Variants in HAVCR2 observed in about 807,000 individuals in gnomAD.
HAVCR2 encodes the protein T cell immunoglobulin mucin 3.
A neutral mutation model predicts 24.7 loss-of-function variants in HAVCR2; 13 were observed. The observed-to-expected ratio is 0.53, with a 90% CI of 0.34 to 0.84. The LOEUF is 0.84. Among genes scored for constraint, HAVCR2 ranks in the 40% least tolerant of loss-of-function variants. The probability of loss-of-function intolerance (pLI) is 0.01; values close to 1 mark genes in which losing one functional copy is unlikely to be tolerated. For missense variants in HAVCR2, 343 were observed against 371.2 expected (o/e 0.92, Z 0.62); for synonymous variants, 154 against 143.4 (o/e 1.07, Z -0.53).
rs900889657 is a variant in HAVCR2 at position 157,086,237 on chromosome 5, A to T, written c.*865T>A. 6.6e-6 allele frequency: 1 copy of T among 152,248 alleles called. No homozygotes were observed. The highest frequency in any genetic ancestry group is 2.4e-5 in the African/African-American group (1 of 41,458). 9.4% of individuals were successfully genotyped at this position (152,248 alleles called of 1,614,324 possible). On this transcript the variant is annotated 3_prime_UTR_variant, in exon 7 of 7. Transcript: ENST00000307851. The stretch of plus-strand genomic sequence containing the variant: ...GCAGTCTTCATAAGGGAGACAAAAG[A>T]AGGGCTATGCACTGGCACTGACAGT...
intron 5 of HAVCR2, among the ~76,000 whole-genome samples, chr5:157,089,848 A>G (rs1388010132): frequency 6.6e-6 from 1 of 152,180 alleles, no homozygotes; most frequent in African/African-American, 2.4e-5. Context: ...GGCTAGGTCC[A>G]ATAAGACCTT....
At chr5:157,087,524 A>T (rs1295359366) in intron 6 of HAVCR2, among the ~76,000 whole-genome samples, 1 of 152,220 alleles carries the variant, frequency 6.6e-6, no homozygotes, top group African/African-American at 2.4e-5. Flanking sequence ...GCATTGTGAT[A>T]GCTAAGAGAA....
At chr5:157,097,524 T>C (rs760850590) in intron 4 of HAVCR2, among the ~76,000 whole-genome samples, 2 of 152,156 alleles carry the variant, frequency 1.3e-5, no homozygotes, top group Non-Finnish European at 2.9e-5. Flanking sequence ...CCTCCTAAAG[T>C]GCTGGGATTA....
intron 5 of HAVCR2, among the ~76,000 whole-genome samples, chr5:157,091,327 C>T (rs923098210): frequency 1.3e-5 from 2 of 152,058 alleles, no homozygotes; most frequent in Non-Finnish European, 2.9e-5. Flanking sequence ...TGCATGAAAT[C>T]CCAGCTACTC....
intron 5 of HAVCR2, among the ~76,000 whole-genome samples, chr5:157,093,205 A>C (rs1419450429): frequency 5.3e-5 from 8 of 151,866 alleles, no homozygotes; most frequent in Non-Finnish European, 1.0e-4. Context: ...CTTTTTCTGA[A>C]TAATCCATTT....
intron 3 of HAVCR2, among the ~76,000 whole-genome samples, chr5:157,101,845 G>T (rs1054410571): frequency 2.7e-5 from 4 of 150,874 alleles, no homozygotes; most frequent in African/African-American, 9.8e-5. Flanking sequence ...CACCAACTCG[G>T]CTCAGTGAAT....
rs781289507 is a variant in HAVCR2 at position 157,106,811 on chromosome 5, A to C, written c.210T>G (p.Thr70=). The C allele has an allele frequency of 1.2e-6, 2 of 1,614,182 alleles. No individual in the cohort carries two copies. Among genetic ancestry groups the C allele is most frequent in the South Asian group, 2.2e-5 (2 of 91,086 alleles). ...VFECGNVVLR[T]DERDVNYWTS... is the part of the protein sequence containing the mutation. ...TCCAATAATTCACATCCCTTTCATCAGTCCTGAGCACCACGTTGCCACATT... is the reference window on the plus strand; with the variant it reads ...TCCAATAATTCACATCCCTTTCATCCGTCCTGAGCACCACGTTGCCACATT... The change falls in exon 2 of 7, where the codon ACT becomes ACG. Residue 70 remains threonine, a synonymous_variant. Transcript: ENST00000307851.
intron 5 of HAVCR2, 125 bp downstream of exon 5, chr5:157,095,181 G>T (rs976944753): frequency 3.1e-6 from 3 of 981,910 alleles, no homozygotes; most frequent in Non-Finnish European, 4.5e-6. Flanking sequence ...GGATTTGGAT[G>T]GACAAAAGGG....
chr5:157,101,659 T>C (rs570245801), intron 3 of HAVCR2, among the ~76,000 whole-genome samples: 2 of 152,280 alleles, frequency 1.3e-5, no homozygotes, highest in South Asian at 4.1e-4. Context: ...ACTCTAGAGC[T>C]GAGGACTCAC....
At chr5:157,095,001 C>A (rs1379907782) in intron 5 of HAVCR2, among the ~76,000 whole-genome samples, 6 of 152,148 alleles carry the variant, frequency 3.9e-5, no homozygotes, top group African/African-American at 1.4e-4. Flanking sequence ...GATGTTGAAA[C>A]CTCGGGAAGG....
chr5:157,098,909 A>AAG lies in HAVCR2; in HGVS notation c.479-10_479-9dup, dbSNP rs70984443. On this transcript the variant is annotated splice_polypyrimidine_tract_variant and intron_variant, in intron 3 of 6. Transcript: ENST00000307851. The stretch of plus-strand genomic sequence containing the variant: ...CCAGTGTCTGTGTCTCTGCTATAAA[A>AAG]AGAGAGAGAGAGAGAGAGAGAGGAA... 5,377 of 1,557,180 alleles carry AAG rather than the reference A, an allele frequency of 3.5e-3. 4 individuals are homozygous for AAG. The highest frequency in any genetic ancestry group is 0.025 in the East Asian group (1,074 of 43,240).
Position 157,087,129 on chromosome 5 carries a change from AGGTTGTGAG to A in HAVCR2, c.870_878del (p.Ser291_Pro293del). ...ATGGCATTGCAAAGCGACAACCCAA[AGGTTGTGAG>A]GGTTGCTGCCTGCTGCTGACATAGC... On this transcript the variant is annotated inframe_deletion, in exon 7 of 7. Transcript: ENST00000307851. 6.2e-7 allele frequency: 1 copy of A among 1,613,574 alleles called. No homozygotes were observed. The highest frequency in any genetic ancestry group is 8.5e-7 in the Non-Finnish European group (1 of 1,179,874).
chr5:157,104,821 C>A (rs530258739), intron 2 of HAVCR2, 72 bp from the exon 3 acceptor site: 7 of 1,098,402 alleles, frequency 6.4e-6, no homozygotes, highest in Admixed American at 4.6e-5. Flanking sequence ...ATCAAAGGGG[C>A]AGCAAGAAAA....
chr5:157,101,218 T>C (rs1757161965), intron 3 of HAVCR2, among the ~76,000 whole-genome samples: 1 of 152,224 alleles, frequency 6.6e-6, no homozygotes, highest in Non-Finnish European at 1.5e-5. Context: ...TTGATAAAAA[T>C]GGTAAAACTA....
chr5:157,086,546 G>A lies in HAVCR2; in HGVS notation c.*556C>T, dbSNP rs1756915016. On this transcript the variant is annotated 3_prime_UTR_variant, in exon 7 of 7. Transcript: ENST00000307851. ...GCCTGTAATCCCAGCCACTCAGGAGGCTGAGGCAGGAGAATCGCTTGAACC... is the reference window on the plus strand; with the variant it reads ...GCCTGTAATCCCAGCCACTCAGGAGACTGAGGCAGGAGAATCGCTTGAACC... 1.3e-5 allele frequency: 2 copies of A among 152,842 alleles called. No individual in the cohort carries two copies. Among genetic ancestry groups the A allele is most frequent in the South Asian group, 2.1e-4 (1 of 4,844 alleles). 9.5% of individuals were successfully genotyped at this position (152,842 alleles called of 1,614,324 possible).
At chr5:157,107,952 A>C (rs2113696861) in intron 1 of HAVCR2, among the ~76,000 whole-genome samples, 1 of 151,504 alleles carries the variant, frequency 6.6e-6, no homozygotes, top group East Asian at 1.9e-4. Flanking sequence ...TCTTCTGAGA[A>C]AGTCATAGAC....
rs759281220 is a variant in HAVCR2 at position 157,087,068 on chromosome 5, C to T, written c.*34G>A. 1.9e-6 allele frequency: 3 copies of T among 1,602,250 alleles called. No homozygotes were observed. Among genetic ancestry groups the T allele is most frequent in the African/African-American group, 1.3e-5 (1 of 74,306 alleles). Reference sequence around the variant, plus strand: ...CACAGCTCATAGTTTCTGAAAAAGACAAAACACCAAGCTCAAAAATAAGGT... The same window carrying T: ...CACAGCTCATAGTTTCTGAAAAAGATAAAACACCAAGCTCAAAAATAAGGT... On this transcript the variant is annotated 3_prime_UTR_variant, in exon 7 of 7. Transcript: ENST00000307851.
chr5:157,102,603 A>G (rs1414214882), intron 3 of HAVCR2, among the ~76,000 whole-genome samples: 3 of 151,956 alleles, frequency 2.0e-5, no homozygotes, highest in Non-Finnish European at 4.4e-5. Context: ...CTATATTCCC[A>G]TTTTTGTTGC....
intron 3 of HAVCR2, among the ~76,000 whole-genome samples, chr5:157,101,056 A>G (rs1757159529): frequency 6.6e-6 from 1 of 152,108 alleles, no homozygotes; most frequent in South Asian, 2.1e-4. Context: ...AGATCACACC[A>G]TTGCACTCCA....
Sources: gnomAD v4.1 joint callset for allele counts (sites outside exome capture counted in the v4.1 genomes callset) on GRCh38, gnomAD v4.1.1 for gene constraint, MANE v1.5 for transcripts, NCBI Gene and HGNC (gene_info 2026-07-23, HGNC 2026-07-21) for gene names.